The following PPFIA2 variants were observed in gnomAD, a reference collection of about 807,000 sequenced individuals.
PPFIA2 encodes the protein PPFI scaffold protein A2, also known as liprin-alpha-2.
PPFIA2 carries 46 observed loss-of-function variants against 175.5 expected under a neutral mutation model. That is an observed-to-expected ratio of 0.26 (90% CI 0.21 to 0.34). PPFIA2 has a LOEUF of 0.34. Among genes scored for constraint, PPFIA2 ranks in the 10% least tolerant of loss-of-function variants. The pLI, the probability that PPFIA2 is intolerant of heterozygous loss-of-function variation, is 1.00. For synonymous variants in PPFIA2, 568 were observed against 511.4 expected (o/e 1.11, Z -1.49); for missense variants, 1,179 against 1,506.1 (o/e 0.78, Z 3.60).
At chr12:81,319,424 C>CA (rs1405265095) in intron 22 of PPFIA2, among the ~76,000 whole-genome samples, 5 of 151,798 alleles carry the variant, frequency 3.3e-5, no homozygotes, top group Admixed American at 6.6e-5. Context: ...GGCAAAGCAA[C>CA]AGCAGCTCTA....
At chr12:81,732,513 TAAAAAAAA>T (rs60761301) in intron 3 of PPFIA2, among the ~76,000 whole-genome samples, 1 of 133,994 alleles carries the variant, frequency 7.5e-6, no homozygotes, top group Non-Finnish European at 1.6e-5. Context: ...TGTTTTTTTT[TAAAAAAAA>T]AAAAAAAACA....
At chr12:81,512,089 A>T (rs991581212) in intron 4 of PPFIA2, among the ~76,000 whole-genome samples, 1 of 151,994 alleles carries the variant, frequency 6.6e-6, no homozygotes, top group African/African-American at 2.4e-5. Flanking sequence ...GCCTATAGAG[A>T]TGTATTGTGT....
intron 15 of PPFIA2, among the ~76,000 whole-genome samples, chr12:81,359,769 T>A: frequency 6.6e-6 from 1 of 151,850 alleles, no homozygotes; most frequent in East Asian, 1.9e-4. Flanking sequence ...GAGCATTGTT[T>A]TCTTGTTGAT....
intron 17 of PPFIA2, chr12:81,350,341 A>T (rs1195207979): frequency 1.3e-5 from 2 of 152,180 alleles, no homozygotes; most frequent in Non-Finnish European, 2.9e-5. Flanking sequence ...AAGTGCTAAG[A>T]CCTGCAAATA....
intron 2 of PPFIA2, 50 bp downstream of exon 2, chr12:81,758,350 C>A (rs1568159281): frequency 8.8e-6 from 4 of 454,998 alleles, no homozygotes; most frequent in South Asian, 6.2e-5. Context: ...GGGAGGTGGT[C>A]AAAAAATACA....
intron 3 of PPFIA2, among the ~76,000 whole-genome samples, chr12:81,726,149 A>G (rs2153634755): frequency 6.6e-6 from 1 of 151,242 alleles, no homozygotes; most frequent in Admixed American, 6.6e-5. Flanking sequence ...CATCTCATTA[A>G]CTATCATCGA....
chr12:81,471,827 T>G (rs2146322607), intron 4 of PPFIA2, among the ~76,000 whole-genome samples: 1 of 152,298 alleles, frequency 6.6e-6, no homozygotes, highest in African/African-American at 2.4e-5. Flanking sequence ...TGCTTTTCAT[T>G]TTTGAAAATA....
intron 6 of PPFIA2, among the ~76,000 whole-genome samples, chr12:81,445,209 G>T (rs577067129): frequency 1.5e-5 from 2 of 135,188 alleles, no homozygotes; most frequent in Admixed American, 7.3e-5. Flanking sequence ...ACCAAGGTGG[G>T]GGGGGGGGAG....
At chr12:81,450,265 A>C (rs1392174830) in intron 5 of PPFIA2, among the ~76,000 whole-genome samples, 1 of 152,136 alleles carries the variant, frequency 6.6e-6, no homozygotes, top group African/African-American at 2.4e-5. Context: ...AACAGTGCAA[A>C]AGTGTTCCTA....
intron 3 of PPFIA2, among the ~76,000 whole-genome samples, chr12:81,692,891 T>A (rs948266438): frequency 8.5e-5 from 13 of 152,124 alleles, no homozygotes; most frequent in South Asian, 4.1e-4. Flanking sequence ...TAACTATCAA[T>A]AAAGATATAA....
chr12:81,303,073 T>C (rs2048262541), intron 22 of PPFIA2, among the ~76,000 whole-genome samples: 2 of 152,200 alleles, frequency 1.3e-5, no homozygotes, highest in Admixed American at 6.6e-5. Context: ...CTTTTGGATA[T>C]ACTGCTGTTC....
intron 4 of PPFIA2, among the ~76,000 whole-genome samples, chr12:81,595,683 G>A (rs1430069952): frequency 6.6e-6 from 1 of 152,088 alleles, no homozygotes; most frequent in Non-Finnish European, 1.5e-5. Flanking sequence ...GAAGAGCAAG[G>A]TCTTGTACTA....
intron 4 of PPFIA2, among the ~76,000 whole-genome samples, chr12:81,620,587 C>T (rs1252896518): frequency 6.6e-6 from 1 of 152,174 alleles, no homozygotes; most frequent in East Asian, 1.9e-4. Flanking sequence ...ATATCTACTA[C>T]TGATTTTAAA....
intron 8 of PPFIA2, among the ~76,000 whole-genome samples, chr12:81,387,915 C>G (rs1159938773): frequency 6.6e-6 from 1 of 152,068 alleles, no homozygotes; most frequent in Non-Finnish European, 1.5e-5. Flanking sequence ...AAATGTTCAG[C>G]TCTGATCCTT....
intron 3 of PPFIA2, among the ~76,000 whole-genome samples, chr12:81,739,765 G>A (rs973214639): frequency 9.9e-5 from 15 of 151,966 alleles, no homozygotes; most frequent in South Asian, 2.1e-4. Context: ...TTAATTTACC[G>A]TACATAGAAC....
intron 19 of PPFIA2, among the ~76,000 whole-genome samples, chr12:81,342,511 A>C (rs1806761832): frequency 6.6e-6 from 1 of 152,102 alleles, no homozygotes. Flanking sequence ...TTGTCACCCA[A>C]TCTTAGGTTC....
At chr12:81,533,516 T>G (rs1423157058) in intron 4 of PPFIA2, among the ~76,000 whole-genome samples, 1 of 151,574 alleles carries the variant, frequency 6.6e-6, no homozygotes, top group Non-Finnish European at 1.5e-5. Flanking sequence ...TTCCACAACT[T>G]GAAATTTTCC....
chr12:81,479,240 C>T (rs899817547), intron 4 of PPFIA2, among the ~76,000 whole-genome samples: 2 of 151,874 alleles, frequency 1.3e-5, no homozygotes, highest in Non-Finnish European at 2.9e-5. Context: ...GGATTGCAAC[C>T]CCTGCTTTTT....
chr12:81,661,118 G>A (rs1437162707), intron 4 of PPFIA2, among the ~76,000 whole-genome samples: 1 of 152,098 alleles, frequency 6.6e-6, no homozygotes, highest in East Asian at 1.9e-4. Context: ...GACCATCGAG[G>A]CTAGGAAGAA....
Sources: gnomAD v4.1 joint callset for allele counts (sites outside exome capture counted in the v4.1 genomes callset) on GRCh38, gnomAD v4.1.1 for gene constraint, MANE v1.5 for transcripts, NCBI Gene and HGNC (gene_info 2026-07-23, HGNC 2026-07-21) for gene names.